Variants in ADAMTS2 observed in about 807,000 individuals in gnomAD.
ADAMTS2 encodes the protein ADAM metallopeptidase with thrombospondin type 1 motif 2, also known as A disintegrin and metalloproteinase with thrombospondin motifs 2.
ADAMTS2 carries 50 observed loss-of-function variants against 123.0 expected under a neutral mutation model. The observed-to-expected ratio is 0.41, with a 90% confidence interval of 0.32 to 0.51. The LOEUF (loss-of-function observed/expected upper bound fraction) is 0.51, where lower values mean the gene tolerates loss of function less well. Among genes scored for constraint, ADAMTS2 ranks in the 20% least tolerant of loss-of-function variants. The probability of loss-of-function intolerance (pLI) is 0.35; values close to 1 mark genes in which losing one functional copy is unlikely to be tolerated. For synonymous variants in ADAMTS2, 678 were observed against 695.4 expected (o/e 0.98, Z 0.39); for missense variants, 1,494 against 1,705.2 (o/e 0.88, Z 2.18).
Position 179,112,819 on chromosome 5 carries a change from C to T in ADAMTS2, c.*1048G>A, listed in dbSNP as rs959420547. 3.9e-5 allele frequency: 6 copies of T among 152,242 alleles called. No homozygotes were observed. Among genetic ancestry groups the T allele is most frequent in the African/African-American group, 1.2e-4 (5 of 41,428 alleles). The allele number at this position is 152,242 out of a possible 1,614,324, so 9.4% of individuals were successfully genotyped here. On this transcript the variant is annotated 3_prime_UTR_variant, in exon 22 of 22. Coordinates refer to ENST00000251582, the MANE Select transcript of ADAMTS2 (RefSeq NM_014244.5). Reference sequence around the variant, plus strand: ...GGAGGGAAGAGGCTCTCTGGGGAGCCCTGGAGCCAAGGTGGCCAGGGAAGA... The same window carrying T: ...GGAGGGAAGAGGCTCTCTGGGGAGCTCTGGAGCCAAGGTGGCCAGGGAAGA...
intron 2 of ADAMTS2, among the ~76,000 whole-genome samples, chr5:179,315,032 A>AC (rs1202863129): frequency 2.0e-5 from 3 of 146,626 alleles, no homozygotes; most frequent in African/African-American, 2.5e-5. Context: ...CTGGATTCCT[A>AC]CACCCACCCC....
chr5:179,313,551 T>C (rs28754591), intron 2 of ADAMTS2, among the ~76,000 whole-genome samples: 140 of 2,154 alleles, frequency 0.065, 5 homozygotes, highest in Admixed American at 0.089. Flanking sequence ...CACACACACA[T>C]CGAGACAGAG....
rs1317175922 is a variant in ADAMTS2 at position 179,262,835 on chromosome 5, C to T, written c.688+10076G>A. On this transcript the variant is annotated intron_variant, in intron 3 of 21. Transcript: ENST00000251582. This position sits in a 1 kb window ranked among gnomAD's most constrained non-coding sequence, Gnocchi z 5.9. Reference sequence around the variant, plus strand: ...GGGACTCGATCGGGTTCCTCCGCTGCTACAGCCCCAGCACCCAGTCCTGTC... The same window carrying T: ...GGGACTCGATCGGGTTCCTCCGCTGTTACAGCCCCAGCACCCAGTCCTGTC... Among the ~76,000 whole-genome samples the T allele has an allele frequency of 6.6e-6, 1 of 152,260 alleles. No homozygotes were observed. The highest frequency in any genetic ancestry group is 1.5e-5 in the Non-Finnish European group (1 of 68,046).
Position 179,130,175 on chromosome 5 carries a change from G to C in ADAMTS2, c.2291-77C>G. The C allele has an allele frequency of 1.9e-6, 3 of 1,579,564 alleles. No homozygotes were observed. Among genetic ancestry groups the C allele is most frequent in the Non-Finnish European group, 2.6e-6 (3 of 1,153,014 alleles). On this transcript the variant is annotated intron_variant, in intron 15 of 21. Coordinates refer to ENST00000251582, the MANE Select transcript of ADAMTS2 (RefSeq NM_014244.5). The surrounding 1 kb of genome is among the most constrained non-coding windows in gnomAD (Gnocchi z 4.3). ...CAGGCCCACTGGTTTGGGCTGGTCG[G>C]GGAGTGGGGGCAGCTAGCTGGACCC...
At chr5:179,271,164 G>A (rs1024689568) in intron 3 of ADAMTS2, among the ~76,000 whole-genome samples, 4 of 152,344 alleles carry the variant, frequency 2.6e-5, no homozygotes, top group South Asian at 2.1e-4. Context: ...TGGGGGTGGA[G>A]GGAGGATTCA....
At chr5:179,211,517 T>A (rs1046889906) in intron 3 of ADAMTS2, among the ~76,000 whole-genome samples, 4 of 152,206 alleles carry the variant, frequency 2.6e-5, no homozygotes, top group Non-Finnish European at 4.4e-5. Context: ...GGGCCCCTTT[T>A]GGATGGCAGC....
intron 3 of ADAMTS2, among the ~76,000 whole-genome samples, chr5:179,258,926 C>T (rs1041060224): frequency 2.6e-5 from 4 of 152,180 alleles, no homozygotes; most frequent in African/African-American, 7.2e-5. Flanking sequence ...TGCACGATGG[C>T]GCTGAGGGGC....
At chr5:179,144,316 C>A (rs1462446296) in intron 10 of ADAMTS2, among the ~76,000 whole-genome samples, 1 of 152,168 alleles carries the variant, frequency 6.6e-6, no homozygotes, top group Non-Finnish European at 1.5e-5. Flanking sequence ...TCTCAATGTT[C>A]ATTGATCAGT....
chr5:179,208,165 T>C (rs1643812), intron 3 of ADAMTS2, among the ~76,000 whole-genome samples: 76,804 of 115,254 alleles, frequency 0.67, 22,748 homozygotes, highest in South Asian at 0.74. Context: ...CACTGCCCGA[T>C]GCTGGAGTGG....
At chr5:179,290,416 A>G (rs79502290) in intron 2 of ADAMTS2, among the ~76,000 whole-genome samples, 3,598 of 152,242 alleles carry the variant, frequency 0.024, 148 homozygotes, top group African/African-American at 0.082. Flanking sequence ...GAGCTAAATA[A>G]GCTTCTTTTC....
At chr5:179,215,654 G>C (rs1490400749) in intron 3 of ADAMTS2, among the ~76,000 whole-genome samples, 1 of 152,138 alleles carries the variant, frequency 6.6e-6, no homozygotes, top group Non-Finnish European at 1.5e-5. Context: ...AACAACAAGG[G>C]AACTGTGGGA....
intron 4 of ADAMTS2, among the ~76,000 whole-genome samples, chr5:179,194,905 G>A (rs1466402698): frequency 6.6e-6 from 1 of 152,168 alleles, no homozygotes; most frequent in Admixed American, 6.5e-5. Context: ...TATCTTTGTA[G>A]ACCACAAATC....
At chr5:179,219,192 ACTG>A (rs1278752187) in intron 3 of ADAMTS2, among the ~76,000 whole-genome samples, 1 of 151,852 alleles carries the variant, frequency 6.6e-6, no homozygotes, top group Non-Finnish European at 1.5e-5. Flanking sequence ...TGACTCTGGG[ACTG>A]CTAAGTACCT....
rs1343717846 is a variant in ADAMTS2, at chr5:179,154,018, G to A, written c.1382+31C>T. On this transcript the variant is annotated intron_variant, in intron 8 of 21. Coordinates refer to ENST00000251582, the MANE Select transcript of ADAMTS2 (RefSeq NM_014244.5). ...CAGAGCTGACCCCAGGGACTGAGGG[G>A]TCGCCCACGGGGCACATGGGCAGTA... 1.9e-6 allele frequency: 3 copies of A among 1,582,346 alleles called. No individual in the cohort carries two copies. The African/African-American group carries it at 4.0e-5, about 21-fold the overall frequency.
chr5:179,311,236 C>T (rs1258657807), intron 2 of ADAMTS2, among the ~76,000 whole-genome samples: 1 of 152,242 alleles, frequency 6.6e-6, no homozygotes, highest in African/African-American at 2.4e-5. Context: ...CGCTCCTGGC[C>T]CAGGTGGAGC....
chr5:179,166,004 C>A (rs1489907142), intron 5 of ADAMTS2, among the ~76,000 whole-genome samples: 1 of 152,192 alleles, frequency 6.6e-6, no homozygotes, highest in Non-Finnish European at 1.5e-5. Context: ...GAGGGCTCTG[C>A]CACCCCTGTT....
chr5:179,164,414 C>T (rs1289732198), intron 5 of ADAMTS2, among the ~76,000 whole-genome samples: 1 of 152,174 alleles, frequency 6.6e-6, no homozygotes, highest in Non-Finnish European at 1.5e-5. Flanking sequence ...GCAGGTGTGG[C>T]TGGTGCCACG....
intron 2 of ADAMTS2, among the ~76,000 whole-genome samples, chr5:179,283,182 G>C (rs981782119): frequency 4.6e-5 from 7 of 151,932 alleles, no homozygotes; most frequent in Non-Finnish European, 1.0e-4. Context: ...ATGCTACAGG[G>C]ATAATGAGGG....
intron 2 of ADAMTS2, among the ~76,000 whole-genome samples, chr5:179,309,349 G>A (rs1403044743): frequency 6.6e-6 from 1 of 152,176 alleles, no homozygotes; most frequent in Non-Finnish European, 1.5e-5. Context: ...TCCCCCCAAA[G>A]CCATCCCAGT....
Sources: gnomAD v4.1 joint callset for allele counts (sites outside exome capture counted in the v4.1 genomes callset) on GRCh38, gnomAD v4.1.1 for gene constraint, Gnocchi (gnomAD v3.1) non-coding constraint, MANE v1.5 for transcripts, NCBI Gene and HGNC (gene_info 2026-07-23, HGNC 2026-07-21) for gene names.